Variants in SHISA9 observed in about 807,000 individuals in gnomAD.
The protein encoded by SHISA9 is shisa family member 9.
Under a neutral mutation model 38.0 loss-of-function variants are expected in SHISA9, and 13 were observed. The observed-to-expected ratio is 0.34, with a 90% CI of 0.22 to 0.54. SHISA9 has a LOEUF of 0.54. SHISA9 is among the 20% of genes least tolerant of loss of function. SHISA9 has a pLI of 0.91. For synonymous variants in SHISA9, 275 were observed against 242.0 expected, an observed-to-expected ratio of 1.14 and a Z score of -1.27; for missense variants, 538 against 575.8, an observed-to-expected ratio of 0.93 and a Z score of 0.67.
chr16:13,020,218 A>T (rs2072835382), intron 2 of SHISA9, among the ~76,000 whole-genome samples: 1 of 151,070 alleles, frequency 6.6e-6, no homozygotes, highest in Admixed American at 6.6e-5. Flanking sequence ...TGGAGACAGG[A>T]TTTCACCATG....
intron 2 of SHISA9, among the ~76,000 whole-genome samples, chr16:13,132,560 C>T (rs2050315277): frequency 6.6e-6 from 1 of 152,108 alleles, no homozygotes; most frequent in African/African-American, 2.4e-5. Context: ...CTTCCCCCAT[C>T]TGTGACAACC....
At chr16:13,386,465 A>C in the SHISA9 span, among the ~76,000 whole-genome samples, 119,015 of 152,050 alleles carry the variant, frequency 0.78, 46,742 homozygotes, top group East Asian at 0.96. Flanking sequence ...GCCTTGAGGG[A>C]GTAACTTAAT....
chr16:13,155,827 C>T (rs2142008148), intron 2 of SHISA9, among the ~76,000 whole-genome samples: 1 of 150,544 alleles, frequency 6.6e-6, no homozygotes, highest in Non-Finnish European at 1.5e-5. Flanking sequence ...ATTCCATGTT[C>T]CCTGTATAGT....
intron 3 of SHISA9, among the ~76,000 whole-genome samples, chr16:13,205,385 A>G (rs1161304195): frequency 2.0e-5 from 3 of 152,222 alleles, no homozygotes; most frequent in African/African-American, 7.2e-5. Context: ...TGTGAGCTCT[A>G]AGTTTTTCTC....
chr16:13,469,423 A>AAGAAAGAAAGAAAGAG, the SHISA9 span, among the ~76,000 whole-genome samples: 4 of 115,872 alleles, frequency 3.5e-5, no homozygotes, highest in Non-Finnish European at 3.7e-5. Flanking sequence ...GAAAGAAAGA[A>AAGAAAGAAAGAAAGAG]AAAGAAAGAA....
the SHISA9 span, among the ~76,000 whole-genome samples, chr16:13,414,646 C>CTCT: frequency 7.3e-6 from 1 of 136,612 alleles, no homozygotes; most frequent in South Asian, 2.3e-4. Context: ...TTCTTTCTTT[C>CTCT]TTTCTTTTTT....
At chr16:13,528,963 C>T in the SHISA9 span, among the ~76,000 whole-genome samples, 1 of 152,064 alleles carries the variant, frequency 6.6e-6, no homozygotes, top group Non-Finnish European at 1.5e-5. Flanking sequence ...CTTTTTAGAC[C>T]TCCAGTTTTG....
the SHISA9 span, among the ~76,000 whole-genome samples, chr16:13,285,284 T>G: frequency 6.6e-6 from 1 of 152,162 alleles, no homozygotes; most frequent in African/African-American, 2.4e-5. Context: ...AAATTCTTTT[T>G]CATACAGTTA....
At chr16:13,133,497 G>T (rs999472885) in intron 2 of SHISA9, among the ~76,000 whole-genome samples, 1 of 152,074 alleles carries the variant, frequency 6.6e-6, no homozygotes, top group African/African-American at 2.4e-5. Context: ...TATAGCTCTG[G>T]CCATTGGCAT....
At position 12,934,928 on chromosome 16, in the gene SHISA9, G is replaced by A. The variant is rs56256121; in HGVS notation, c.691+18113G>A. ...GGCTCATAGAACTGAAGGAACGTCT[G>A]ATGGTCCAAGTTTGGGATGTCAGGA... On this transcript the variant is annotated intron_variant, in intron 2 of 4. Coordinates refer to ENST00000558583, the MANE Select transcript of SHISA9 (RefSeq NM_001145204.3). 8.1e-3 allele frequency among the ~76,000 whole-genome samples: 1,241 copies of A among 152,298 alleles called. 25 individuals are homozygous for A. Among genetic ancestry groups the A allele is most frequent in the African/African-American group, 0.028 (1,159 of 41,580 alleles).
chr16:13,302,687 C>A, the SHISA9 span, among the ~76,000 whole-genome samples: 1 of 152,196 alleles, frequency 6.6e-6, no homozygotes, highest in East Asian at 1.9e-4. Context: ...GATAATCTCA[C>A]TTCCTCCAGG....
intron 2 of SHISA9, among the ~76,000 whole-genome samples, chr16:13,138,121 G>A (rs927773581): frequency 5.9e-5 from 9 of 152,162 alleles, no homozygotes; most frequent in Non-Finnish European, 8.8e-5. Context: ...TAGTCCCTGG[G>A]CTATATTTTG....
intron 2 of SHISA9, among the ~76,000 whole-genome samples, chr16:13,000,667 G>A: frequency 6.6e-6 from 1 of 152,178 alleles, no homozygotes; most frequent in East Asian, 1.9e-4. Context: ...CACTGACAGT[G>A]TCTGCTAGGA....
At chr16:13,145,541 A>C (rs866726120) in intron 2 of SHISA9, among the ~76,000 whole-genome samples, 1 of 152,120 alleles carries the variant, frequency 6.6e-6, no homozygotes, top group Non-Finnish European at 1.5e-5. Context: ...AACAACAACA[A>C]CAAAAAAAGG....
intron 2 of SHISA9, among the ~76,000 whole-genome samples, chr16:12,982,091 C>G (rs982608464): frequency 1.3e-5 from 2 of 152,284 alleles, no homozygotes; most frequent in Admixed American, 6.5e-5. Flanking sequence ...CCAGGCACTA[C>G]TTTACAAATG....
intron 2 of SHISA9, among the ~76,000 whole-genome samples, chr16:12,970,467 GTGTATATATATATATATATA>G (rs2072059886): frequency 8.5e-5 from 2 of 23,630 alleles, no homozygotes; most frequent in Non-Finnish European, 1.4e-4. Context: ...ATATATGTGT[GTGTATATATATATATATATA>G]TATATATATA....
intron 2 of SHISA9, among the ~76,000 whole-genome samples, chr16:13,070,411 G>T (rs148007440): frequency 6.6e-6 from 1 of 152,186 alleles, no homozygotes; most frequent in African/African-American, 2.4e-5. Flanking sequence ...TGGCCAGGCT[G>T]GGACCTGACT....
chr16:13,119,785 T>C (rs1252574496), intron 2 of SHISA9, among the ~76,000 whole-genome samples: 1 of 152,204 alleles, frequency 6.6e-6, no homozygotes, highest in Admixed American at 6.5e-5. Flanking sequence ...GGTAAACATG[T>C]TACCAAGTTC....
At chr16:13,180,794 TAC>T (rs1420915423) in intron 2 of SHISA9, among the ~76,000 whole-genome samples, 1 of 152,206 alleles carries the variant, frequency 6.6e-6, no homozygotes, top group African/African-American at 2.4e-5. Flanking sequence ...TTATCAACAC[TAC>T]ACAGAGTGCT....
Sources: allele counts gnomAD v4.1 joint callset (sites outside exome capture counted in the v4.1 genomes callset), GRCh38; gene constraint gnomAD v4.1.1; transcripts MANE v1.5; gene names NCBI Gene and HGNC (gene_info 2026-07-23, HGNC 2026-07-21).